Variants in PRKCA observed in about 807,000 individuals in gnomAD.
The protein encoded by PRKCA is protein kinase C alpha type.
In PRKCA, 27 loss-of-function variants were observed where a neutral mutation model predicts 87.0. That is an observed-to-expected ratio of 0.31 (90% CI 0.23 to 0.43). The LOEUF (loss-of-function observed/expected upper bound fraction) is 0.43. PRKCA is among the 20% of genes least tolerant of loss of function. The pLI, the probability that PRKCA is intolerant of heterozygous loss-of-function variation, is 1.00. For synonymous variants in PRKCA, 329 were observed against 311.1 expected, an observed-to-expected ratio of 1.06 and a Z score of -0.61; for missense variants, 518 against 852.3, an observed-to-expected ratio of 0.61 and a Z score of 4.88.
chr17:66,389,463 C>T (rs1425905040), intron 2 of PRKCA, among the ~76,000 whole-genome samples: 1 of 152,196 alleles, frequency 6.6e-6, no homozygotes, highest in African/African-American at 2.4e-5. Flanking sequence ...CATAAGGACA[C>T]CTTTGCAGGG....
At position 66,796,623 on chromosome 17, in the gene PRKCA, G is replaced by C. The variant is rs181241973; in HGVS notation, c.1855-7250G>C. ...CGTTCCCTGAGCATGCTAATCTTCAGAGAAAGGGCAGACCAATGGCCAGAC... is the reference window on the plus strand; with the variant it reads ...CGTTCCCTGAGCATGCTAATCTTCACAGAAAGGGCAGACCAATGGCCAGAC... On this transcript the variant is annotated intron_variant, in intron 16 of 16. Transcript: ENST00000413366. 6 of 985,332 alleles carry C rather than the reference G, an allele frequency of 6.1e-6. No homozygotes were observed. The East Asian group carries it at 6.8e-4, about 112-fold the overall frequency. The allele number at this position is 985,332 out of a possible 1,614,324, so 61.0% of individuals were successfully genotyped here. A position where few individuals can be genotyped will look rare whatever the true frequency, so the allele number is the denominator to read the frequency against.
chr17:66,363,610 C>T (rs1908523314), intron 2 of PRKCA, among the ~76,000 whole-genome samples: 1 of 152,200 alleles, frequency 6.6e-6, no homozygotes, highest in African/African-American at 2.4e-5. Flanking sequence ...TTTAATTACG[C>T]AGACAATTAA....
chr17:66,629,292 A>C (rs1970942670), intron 3 of PRKCA, among the ~76,000 whole-genome samples: 1 of 152,190 alleles, frequency 6.6e-6, no homozygotes, highest in African/African-American at 2.4e-5. Flanking sequence ...CCCTCTTGCA[A>C]ATAATGTTAT....
chr17:66,536,263 G>A (rs1967778241), intron 3 of PRKCA, among the ~76,000 whole-genome samples: 1 of 152,202 alleles, frequency 6.6e-6, no homozygotes, highest in Non-Finnish European at 1.5e-5. Flanking sequence ...CCTGGTGTAA[G>A]TTCAGAACTT....
At chr17:66,701,788 T>C (rs1219069829) in intron 8 of PRKCA, among the ~76,000 whole-genome samples, 1 of 152,140 alleles carries the variant, frequency 6.6e-6, no homozygotes, top group Non-Finnish European at 1.5e-5. Context: ...GCAGACCTGT[T>C]AGAATGGCAG....
At chr17:66,490,934 T>A (rs1430158421) in intron 2 of PRKCA, among the ~76,000 whole-genome samples, 1 of 152,206 alleles carries the variant, frequency 6.6e-6, no homozygotes, top group Non-Finnish European at 1.5e-5. Flanking sequence ...GTTTCTGAAA[T>A]ATACTTTCGA....
intron 3 of PRKCA, among the ~76,000 whole-genome samples, chr17:66,583,202 G>A (rs184307230): frequency 7.9e-5 from 12 of 152,244 alleles, no homozygotes; most frequent in Admixed American, 7.8e-4. Flanking sequence ...AGGTTCCCGG[G>A]TATATGATCT....
intron 2 of PRKCA, among the ~76,000 whole-genome samples, chr17:66,428,800 A>G (rs1912951835): frequency 6.6e-6 from 1 of 152,146 alleles, no homozygotes. Context: ...CACCGCGCCC[A>G]GCCTGAAAAT....
At chr17:66,735,920 CTTTTTTTT>C (rs5821508) in intron 10 of PRKCA, among the ~76,000 whole-genome samples, 2 of 122,102 alleles carry the variant, frequency 1.6e-5, no homozygotes, top group East Asian at 2.4e-4. Context: ...TTCTTTCTTT[CTTTTTTTT>C]TTTTTTTTTT....
intron 2 of PRKCA, among the ~76,000 whole-genome samples, chr17:66,314,925 GTATA>G (rs149554722): frequency 5.6e-4 from 85 of 151,192 alleles, no homozygotes; most frequent in African/African-American, 1.8e-3. Context: ...GTATATGTGT[GTATA>G]TATATGTGTG....
intron 3 of PRKCA, among the ~76,000 whole-genome samples, chr17:66,575,481 G>A (rs1471014093): frequency 6.6e-6 from 1 of 152,204 alleles, no homozygotes; most frequent in South Asian, 2.1e-4. Flanking sequence ...TCGGGAGGCT[G>A]AGGCAGGAGA....
chr17:66,508,908 T>A (rs1303890132), intron 3 of PRKCA, among the ~76,000 whole-genome samples: 1 of 152,198 alleles, frequency 6.6e-6, no homozygotes, highest in African/African-American at 2.4e-5. Flanking sequence ...CCAAGGTTGG[T>A]ACAGAGTCAC....
At chr17:66,449,790 G>A (rs1163132052) in intron 2 of PRKCA, among the ~76,000 whole-genome samples, 1 of 152,170 alleles carries the variant, frequency 6.6e-6, no homozygotes, top group Non-Finnish European at 1.5e-5. Flanking sequence ...AGACAGTGGT[G>A]GGAGGAGTGA....
intron 13 of PRKCA, among the ~76,000 whole-genome samples, chr17:66,760,707 C>T (rs1436703110): frequency 2.6e-5 from 4 of 152,180 alleles, no homozygotes; most frequent in African/African-American, 9.7e-5. Flanking sequence ...CACTACAGAT[C>T]CCATGGATGT....
chr17:66,657,717 A>C (rs1253280556), intron 5 of PRKCA, among the ~76,000 whole-genome samples: 4 of 152,220 alleles, frequency 2.6e-5, no homozygotes, highest in Non-Finnish European at 4.4e-5. Context: ...AAATAGCACC[A>C]GAGCCCTCCT....
chr17:66,636,817 C>T (rs17760245), intron 3 of PRKCA, among the ~76,000 whole-genome samples: 8,165 of 152,192 alleles, frequency 0.054, 292 homozygotes, highest in Admixed American at 0.078. Context: ...AAGGTAAGAG[C>T]TTGTGCCGGG....
chr17:66,535,681 C>T (rs1021838444), intron 3 of PRKCA, among the ~76,000 whole-genome samples: 2 of 152,140 alleles, frequency 1.3e-5, no homozygotes, highest in African/African-American at 2.4e-5. Flanking sequence ...TCTGTCCTTC[C>T]CTTCTGAATC....
chr17:66,609,297 A>G (rs372053460), intron 3 of PRKCA, among the ~76,000 whole-genome samples: 2 of 152,192 alleles, frequency 1.3e-5, no homozygotes, highest in African/African-American at 4.8e-5. Flanking sequence ...AACATAGGTT[A>G]CGGGGCTACT....
chr17:66,325,933 G>T (rs943431497), intron 2 of PRKCA, among the ~76,000 whole-genome samples: 4 of 152,082 alleles, frequency 2.6e-5, no homozygotes, highest in African/African-American at 9.7e-5. Flanking sequence ...TAGGGTTGAT[G>T]TGAAGGCCCT....
Sources: gnomAD v4.1 joint callset for allele counts (sites outside exome capture counted in the v4.1 genomes callset) on GRCh38, gnomAD v4.1.1 for gene constraint, MANE v1.5 for transcripts, NCBI Gene and HGNC (gene_info 2026-07-23, HGNC 2026-07-21) for gene names.